TBC1D8: variants seen among roughly 807,000 people sequenced by gnomAD.
TBC1D8 encodes the protein TBC1 domain family member 8.
In TBC1D8, 65 loss-of-function variants were observed where a neutral mutation model predicts 118.8. The ratio of observed to expected loss-of-function variants is 0.55; its 90% confidence interval spans 0.45 to 0.67. The LOEUF (loss-of-function observed/expected upper bound fraction) is 0.67, where lower values mean the gene tolerates loss of function less well. Among genes scored for constraint, TBC1D8 ranks in the 30% least tolerant of loss-of-function variants. The pLI, the probability that TBC1D8 is intolerant of heterozygous loss-of-function variation, is 0.00. For missense variants in TBC1D8, 1,376 were observed against 1,471.2 expected, an observed-to-expected ratio of 0.94 and a Z score of 1.06; for synonymous variants, 566 against 595.8, an observed-to-expected ratio of 0.95 and a Z score of 0.73.
chr2:101,057,934 T>C (rs908337424), intron 3 of TBC1D8, among the ~76,000 whole-genome samples: 38 of 152,236 alleles, frequency 2.5e-4, no homozygotes, highest in African/African-American at 8.2e-4. Context: ...CAAGTTTTCT[T>C]ATTCTACAGA....
At chr2:101,139,698 T>C (rs1355719238) in intron 1 of TBC1D8, among the ~76,000 whole-genome samples, 1 of 152,140 alleles carries the variant, frequency 6.6e-6, no homozygotes, top group Non-Finnish European at 1.5e-5. Flanking sequence ...CCTTTGCACA[T>C]GCCATTTCCT....
chr2:101,066,208 C>T (rs933842406), intron 2 of TBC1D8, among the ~76,000 whole-genome samples: 8 of 151,924 alleles, frequency 5.3e-5, no homozygotes, highest in Non-Finnish European at 1.0e-4. Flanking sequence ...TGCTTGAACC[C>T]GGGAGATGGA....
At chr2:101,050,341 TG>T in intron 5 of TBC1D8, 59 bp downstream of exon 5, 2 of 1,562,568 alleles carry the variant, frequency 1.3e-6, no homozygotes, top group Admixed American at 1.9e-5. Flanking sequence ...ACATAAGGGA[TG>T]GGCACAGCTT....
chr2:101,090,427 G>A, intron 1 of TBC1D8, 63 bp from the exon 2 acceptor site: 1 of 1,561,252 alleles, frequency 6.4e-7, no homozygotes, highest in Non-Finnish European at 8.8e-7. Context: ...CCTCATGCGT[G>A]TGAGGCATGT....
chr2:101,118,724 G>T lies in TBC1D8; in HGVS notation c.128-28360C>A, dbSNP rs1419913243. ...AAAAAAAAAAAAAAAACTCCACCAG[G>T]CTGGGCACAGTGGCTCACGCCTGTA... On this transcript the variant is annotated intron_variant, in intron 1 of 19. Transcript: ENST00000409318. 3.3e-5 allele frequency among the ~76,000 whole-genome samples: 5 copies of T among 150,688 alleles called. No homozygotes were observed. The South Asian group carries it at 6.3e-4, about 19-fold the overall frequency.
chr2:101,030,870 G>A (rs550487934), intron 11 of TBC1D8, among the ~76,000 whole-genome samples: 7 of 152,194 alleles, frequency 4.6e-5, no homozygotes, highest in Admixed American at 1.3e-4. Context: ...GCTGTGTGAC[G>A]GAAGCCAGAC....
intron 1 of TBC1D8, among the ~76,000 whole-genome samples, chr2:101,123,965 G>C (rs1170569930): frequency 6.6e-6 from 1 of 152,170 alleles, no homozygotes; most frequent in African/African-American, 2.4e-5. Context: ...ATGTAGGCAG[G>C]AGTGATTAAA....
intron 2 of TBC1D8, among the ~76,000 whole-genome samples, chr2:101,067,360 A>G (rs570795884): frequency 6.6e-6 from 1 of 152,244 alleles, no homozygotes; most frequent in Non-Finnish European, 1.5e-5. Flanking sequence ...CCAAGCTTGA[A>G]GAACACAGTT....
chr2:101,072,359 GGAGA>G (rs776682066), intron 2 of TBC1D8, among the ~76,000 whole-genome samples: 2 of 151,850 alleles, frequency 1.3e-5, no homozygotes, highest in East Asian at 3.9e-4. Context: ...GAGAGGGGCA[GGAGA>G]GAGAGAGAAG....
intron 10 of TBC1D8, chr2:101,032,621 T>C (rs964766873): frequency 4.5e-5 from 21 of 461,868 alleles, no homozygotes; most frequent in Admixed American, 1.0e-4. Flanking sequence ...CATCTAGCAA[T>C]GTGGAATTTA....
intron 2 of TBC1D8, among the ~76,000 whole-genome samples, chr2:101,083,341 C>G (rs796464641): frequency 7.9e-5 from 12 of 152,198 alleles, no homozygotes; most frequent in African/African-American, 2.9e-4. Context: ...AAGTGAGTGC[C>G]AGGATGGAGG....
intron 2 of TBC1D8, among the ~76,000 whole-genome samples, chr2:101,069,359 G>T (rs1484445455): frequency 6.6e-6 from 1 of 151,942 alleles, no homozygotes. Context: ...GGCTGAGGTG[G>T]GCGGATCACC....
chr2:101,092,205 A>G (rs1676083164), intron 1 of TBC1D8, among the ~76,000 whole-genome samples: 1 of 152,222 alleles, frequency 6.6e-6, no homozygotes, highest in Admixed American at 6.5e-5. Flanking sequence ...TTGAAGCTTT[A>G]TAGGCCAGTT....
At chr2:101,062,930 G>A (rs527319505) in intron 2 of TBC1D8, among the ~76,000 whole-genome samples, 9 of 152,212 alleles carry the variant, frequency 5.9e-5, no homozygotes, top group South Asian at 4.1e-4. Flanking sequence ...GTGAGCCACC[G>A]CGCCCAGCCC....
At position 101,007,781 on chromosome 2, in the gene TBC1D8, G is replaced by C. The variant is rs769923428; in HGVS notation, c.*40C>G. On this transcript the variant is annotated 3_prime_UTR_variant, in exon 20 of 20. Transcript: ENST00000409318. ...CAAGAAACAGTCTGGTTCGTGCTTT[G>C]GTATGGTGGACTCCAGTGTGCATAG... The C allele has an allele frequency of 2.5e-6, 4 of 1,581,676 alleles. No individual in the cohort carries two copies. The highest frequency in any genetic ancestry group is 2.3e-5 in the South Asian group (2 of 87,640).
chr2:101,149,437 G>A (rs1679454552), intron 1 of TBC1D8, among the ~76,000 whole-genome samples: 1 of 152,152 alleles, frequency 6.6e-6, no homozygotes, highest in East Asian at 1.9e-4. Context: ...ATCGGCTGAA[G>A]GTAGCCGGCC....
At position 101,068,352 on chromosome 2, in the gene TBC1D8, C is replaced by T. The variant is rs1175923424; in HGVS notation, c.284-8813G>A. On this transcript the variant is annotated intron_variant, in intron 2 of 19. Coordinates refer to ENST00000409318, the MANE Select transcript of TBC1D8 (RefSeq NM_001330348.2). ...TCTGTAGGCTTGAGTCAAGAACTCT[C>T]GGTCTTCTTGGTAATACCGGGTTGG... 12 of 239,604 alleles carry T rather than the reference C, an allele frequency of 5.0e-5. 1 individual carries two copies. Among genetic ancestry groups the T allele is most frequent in the Non-Finnish European group, 4.8e-5 (6 of 124,988 alleles). The allele number at this position is 239,604 out of a possible 1,614,324, so 14.8% of individuals were successfully genotyped here. A position where few individuals can be genotyped will look rare whatever the true frequency, so the allele number is the denominator to read the frequency against.
intron 19 of TBC1D8, among the ~76,000 whole-genome samples, chr2:101,009,767 T>C (rs909006594): frequency 1.3e-5 from 2 of 151,894 alleles, no homozygotes; most frequent in Non-Finnish European, 2.9e-5. Flanking sequence ...AATTCTACTC[T>C]TGAAGGGTCG....
At chr2:101,127,799 T>C (rs1009528476) in intron 1 of TBC1D8, among the ~76,000 whole-genome samples, 2 of 152,200 alleles carry the variant, frequency 1.3e-5, no homozygotes, top group Non-Finnish European at 2.9e-5. Context: ...TGGTGGAGGA[T>C]GTGAGGGTCA....
Sources: allele counts gnomAD v4.1 joint callset (sites outside exome capture counted in the v4.1 genomes callset), GRCh38; gene constraint gnomAD v4.1.1; transcripts MANE v1.5; gene names NCBI Gene and HGNC (gene_info 2026-07-23, HGNC 2026-07-21).